The following CHPF variants were observed in gnomAD, a reference collection of about 807,000 sequenced individuals.
CHPF encodes the protein chondroitin polymerizing factor.
CHPF carries 34 observed loss-of-function variants against 55.1 expected under a neutral mutation model. That is an observed-to-expected ratio of 0.62 (90% confidence interval 0.47 to 0.82). The LOEUF is 0.82. Ranked by LOEUF, CHPF falls within the 40% of genes least tolerant of loss-of-function variation. The pLI is 0.00. For missense variants in CHPF, 961 were observed against 1,106.1 expected (o/e 0.87, Z 1.86); for synonymous variants, 489 against 496.6 (o/e 0.98, Z 0.20).
rs10932810 is a variant in CHPF at position 219,543,196 on chromosome 2, G to C, written c.314+29C>G. On this transcript the variant is annotated intron_variant, in intron 1 of 3. Coordinates refer to ENST00000243776, the MANE Select transcript of CHPF (RefSeq NM_024536.6). ...CGCGCGCTTCCCGGCCGCTGCCCAG[G>C]GGGTAGAGCGGGCGCAGCCGATCAC... 4.5e-5 allele frequency: 65 copies of C among 1,460,082 alleles called. No individual in the cohort carries two copies. The South Asian group carries it at 8.7e-4, about 20-fold the overall frequency. 90.4% of individuals were successfully genotyped at this position (1,460,082 alleles called of 1,614,324 possible).
At chr2:219,541,418 G>T in intron 2 of CHPF, 198 bp downstream of exon 2, 1 of 562,454 alleles carries the variant, frequency 1.8e-6, no homozygotes, top group Non-Finnish European at 3.0e-6. Context: ...TAACAACCCC[G>T]AGCAATAATT....
chr2:219,539,979 G>C lies in CHPF; in HGVS notation c.1732C>G (p.Pro578Ala). Reference sequence around the variant, plus strand: ...CTGAGCCATGGCACCCGGGCACCGGGGAAACGCCGCTCCAGCTCTGCCACG... The same window carrying C: ...CTGAGCCATGGCACCCGGGCACCGGCGAAACGCCGCTCCAGCTCTGCCACG... ...AHVAELERRF[P>A]GARVPWLSVQ... The change falls in exon 4 of 4, where the codon CCC becomes GCC. Residue 578 changes from proline (P) to alanine (A), a missense_variant. By Grantham distance (27) the Pro-to-Ala change is conservative. This residue lies in a region of CHPF where 936 missense variants were observed against 1,058.4 expected (regional missense o/e 0.88). Transcript: ENST00000243776. The C allele has an allele frequency of 6.2e-7, 1 of 1,613,744 alleles. No homozygotes were observed. Among genetic ancestry groups the C allele is most frequent in the Non-Finnish European group, 8.5e-7 (1 of 1,179,970 alleles).
In CHPF at chr2:219,543,274, A is replaced by G; in HGVS notation, c.265T>C (p.Leu89=). The G allele has an allele frequency of 6.3e-7, 1 of 1,576,496 alleles. No individual in the cohort carries two copies. The highest frequency in any genetic ancestry group is 1.1e-5 in the South Asian group (1 of 88,768). The part of the protein sequence containing the change: ...GAGENWEPRV[L]PYHPAQPGQA... ...CCGGGCTGTGCAGGGTGGTAGGGCA[A>G]GACGCGCGGCTCCCAATTCTCCCCG... Residue 89 remains leucine (L), a synonymous_variant, in exon 1 of 4, where the codon TTG becomes CTG. Coordinates refer to ENST00000243776, the MANE Select transcript of CHPF (RefSeq NM_024536.6).
chr2:219,540,704 G>C, intron 3 of CHPF, 62 bp from the exon 4 acceptor site: 1 of 1,480,240 alleles, frequency 6.8e-7, no homozygotes, highest in Non-Finnish European at 9.0e-7. Context: ...CACAGCTGGG[G>C]GACTGGGTAG....
chr2:219,542,657 C>T (rs915211611), intron 1 of CHPF, among the ~76,000 whole-genome samples: 1 of 152,078 alleles, frequency 6.6e-6, no homozygotes, highest in African/African-American at 2.4e-5. Flanking sequence ...AGTGTTTTTG[C>T]GGGGAGGGGC....
At position 219,539,053 on chromosome 2, in the gene CHPF, A is replaced by G. The variant is rs1037867253; in HGVS notation, c.*330T>C. The G allele has an allele frequency of 1.7e-4, 47 of 278,348 alleles. No homozygotes were observed. The highest frequency in any genetic ancestry group is 9.4e-4 in the African/African-American group (43 of 45,726). The allele number at this position is 278,348 out of a possible 1,614,324, so 17.2% of individuals were successfully genotyped here. A position where few individuals can be genotyped will look rare whatever the true frequency, so the allele number is the denominator to read the frequency against. On this transcript the variant is annotated 3_prime_UTR_variant, in exon 4 of 4. Coordinates refer to ENST00000243776, the MANE Select transcript of CHPF (RefSeq NM_024536.6). ...TCCTCAGCTCCCTCCTTCCCCAACA[A>G]CTCTTCTACAGCCCAGCCCCCAGGG...
chr2:219,543,677 G>C lies in CHPF; in HGVS notation c.-139C>G. Reference sequence around the variant, plus strand: ...GGGCCCGCTCCCTCCCCGCAGAGCAGAGCCAGCGGCCCGAGCCGAATCCCC... The same window carrying C: ...GGGCCCGCTCCCTCCCCGCAGAGCACAGCCAGCGGCCCGAGCCGAATCCCC... On this transcript the variant is annotated 5_prime_UTR_variant, in exon 1 of 4. Coordinates refer to ENST00000243776, the MANE Select transcript of CHPF (RefSeq NM_024536.6). 1.8e-6 allele frequency: 1 copy of C among 556,642 alleles called. No homozygotes were observed. Among genetic ancestry groups the C allele is most frequent in the Non-Finnish European group, 2.8e-6 (1 of 359,456 alleles). 34.5% of individuals were successfully genotyped at this position (556,642 alleles called of 1,614,324 possible). A position where few individuals can be genotyped will look rare whatever the true frequency, so the allele number is the denominator to read the frequency against.
Position 219,541,801 on chromosome 2 carries a change from C to T in CHPF, c.703G>A (p.Gly235Arg), listed in dbSNP as rs1336922788. Residue 235 changes from glycine to arginine, a missense_variant, in exon 2 of 4, where the codon GGA becomes AGA. Gly to Arg is a moderately radical substitution (Grantham distance 125). Coordinates refer to ENST00000243776, the MANE Select transcript of CHPF (RefSeq NM_024536.6). ...YLGRPQDFIG[G>R]EPTPGRYCHG... ...CAGTAGCGGCCGGGGGTGGGCTCTC[C>T]GCCGATGAAGTCCTGGGGCCGGCCC... 6.2e-7 allele frequency: 1 copy of T among 1,606,470 alleles called. No individual in the cohort carries two copies. The highest frequency in any genetic ancestry group is 1.7e-5 in the Admixed American group (1 of 59,466).
chr2:219,543,327 C>T lies in CHPF; in HGVS notation c.212G>A (p.Arg71His), dbSNP rs1427536890. ...RPNSVQPGAE[R>H]EKPGAGEGAG... Reference sequence around the variant, plus strand: ...GCCTTCGCCGGCCCCGGGCTTCTCGCGCTCCGCTCCGGGCTGCACCGAGTT... The same window carrying T: ...GCCTTCGCCGGCCCCGGGCTTCTCGTGCTCCGCTCCGGGCTGCACCGAGTT... The change falls in exon 1 of 4, where the codon CGC becomes CAC. Residue 71 changes from arginine (R) to histidine (H), a missense_variant. Physicochemically the swap from Arg to His is conservative, Grantham distance 29 (BLOSUM62 0). This residue lies in a region of CHPF where 936 missense variants were observed against 1,058.4 expected (regional missense o/e 0.88). Transcript: ENST00000243776. 1.3e-6 allele frequency: 2 copies of T among 1,571,276 alleles called. No individual in the cohort carries two copies. The highest frequency in any genetic ancestry group is 1.7e-6 in the Non-Finnish European group (2 of 1,168,516).
chr2:219,541,310 G>A (rs936731413), intron 2 of CHPF, 185 bp from the exon 3 acceptor site: 88 of 598,216 alleles, frequency 1.5e-4, no homozygotes, highest in Non-Finnish European at 2.3e-4. Context: ...TCTGCGAAAT[G>A]GGCATGCGTC....
At position 219,540,836 on chromosome 2, in the gene CHPF, G is replaced by A. The variant is rs540650441; in HGVS notation, c.1068+110C>T. On this transcript the variant is annotated intron_variant, in intron 3 of 3. Transcript: ENST00000243776. Reference sequence around the variant, plus strand: ...GAATGTAGAAACAGGCAGGGGCTGGGAAGTAGTTTTGTTCTGTGATTCTAG... The same window carrying A: ...GAATGTAGAAACAGGCAGGGGCTGGAAAGTAGTTTTGTTCTGTGATTCTAG... The A allele has an allele frequency of 1.4e-4, 194 of 1,426,222 alleles. 1 individual carries two copies. The South Asian group carries it at 2.3e-3, about 17-fold the overall frequency. 88.3% of individuals were successfully genotyped at this position (1,426,222 alleles called of 1,614,324 possible).
In CHPF at chr2:219,540,385, C is replaced by A; in HGVS notation, c.1326G>T (p.Arg442=). The A allele has an allele frequency of 6.2e-7, 1 of 1,614,056 alleles. No homozygotes were observed. The highest frequency in any genetic ancestry group is 1.1e-5 in the South Asian group (1 of 91,090). The change falls in exon 4 of 4, where the codon CGG becomes CGT. Residue 442 remains arginine (R), a synonymous_variant. Coordinates refer to ENST00000243776, the MANE Select transcript of CHPF (RefSeq NM_024536.6). The part of the protein sequence containing the change: ...ELNRRYHPAL[R]LQKQQLVNGY... ...CATTCACCAGCTGCTGCTTCTGGAGCCGCAAGGCCGGGTGGTAGCGGCGGT... is the reference window on the plus strand; with the variant it reads ...CATTCACCAGCTGCTGCTTCTGGAGACGCAAGGCCGGGTGGTAGCGGCGGT...
At chr2:219,543,106 C>G (rs1291993305) in intron 1 of CHPF, 119 bp downstream of exon 1, 18 of 1,364,800 alleles carry the variant, frequency 1.3e-5, no homozygotes, top group Non-Finnish European at 1.7e-5. Context: ...TTATCGGGGC[C>G]CAAAGACTTC....
chr2:219,541,567 G>A, intron 2 of CHPF, 49 bp downstream of exon 2: 3 of 1,419,738 alleles, frequency 2.1e-6, no homozygotes, highest in South Asian at 2.9e-5. Flanking sequence ...CCTCTCAGAG[G>A]GATTTGAACA....
At position 219,539,499 on chromosome 2, in the gene CHPF, C is replaced by A; in HGVS notation, c.2212G>T (p.Ala738Ser). 1 of 1,613,718 alleles carries A rather than the reference C, an allele frequency of 6.2e-7. No individual in the cohort carries two copies. The highest frequency in any genetic ancestry group is 1.7e-4 in the Middle Eastern group (1 of 6,034). The change falls in exon 4 of 4, where the codon GCG (alanine) becomes TCG (serine). Residue 738 changes from alanine to serine, a missense_variant. This residue lies in a region of CHPF where 936 missense variants were observed against 1,058.4 expected (regional missense o/e 0.88). Transcript: ENST00000243776. ...LQRYRAQTCS[A>S]RLSEDLYHRC... ...TGGTACAGGTCCTCACTGAGCCTCG[C>A]GCTGCACGTCTGGGCCCGGTAGCGC...
rs752885494 is a variant in CHPF, at chr2:219,540,378, T to C, written c.1333A>G (p.Lys445Glu). 1.9e-6 allele frequency: 3 copies of C among 1,614,022 alleles called. 1 individual carries two copies. The highest frequency in any genetic ancestry group is 2.2e-5 in the South Asian group (2 of 91,088). ...CGGTAGCCATTCACCAGCTGCTGCT[T>C]CTGGAGCCGCAAGGCCGGGTGGTAG... Reference protein sequence around the residue: ...RRYHPALRLQKQQLVNGYRRF... With the variant: ...RRYHPALRLQEQQLVNGYRRF... Residue 445 changes from lysine to glutamate, a missense_variant, in exon 4 of 4, where the codon AAG becomes GAG. By Grantham distance (56) the Lys-to-Glu change is moderately conservative (BLOSUM62 1). This residue lies in a region of CHPF where 936 missense variants were observed against 1,058.4 expected (regional missense o/e 0.88). Transcript: ENST00000243776.
rs548984876 is a variant in CHPF, at chr2:219,541,846, A to G, written c.658T>C (p.Ser220Pro). ...CGGCCCAGGTACAGGTGGGCGGCGG[A>G]GGCCAGGCTGAGGTGGCCAGTTAGG... ...ARLTGHLSLASAAHLYLGRPQ... is the reference protein window; with the variant it reads ...ARLTGHLSLAPAAHLYLGRPQ... The change falls in exon 2 of 4, where the codon TCC becomes CCC. Residue 220 changes from serine to proline, a missense_variant. This residue lies in a region of CHPF where 936 missense variants were observed against 1,058.4 expected (regional missense o/e 0.88). Coordinates refer to ENST00000243776, the MANE Select transcript of CHPF (RefSeq NM_024536.6). 2 of 1,610,424 alleles carry G rather than the reference A, an allele frequency of 1.2e-6. No homozygotes were observed. The highest frequency in any genetic ancestry group is 1.7e-6 in the Non-Finnish European group (2 of 1,178,520).
At chr2:219,542,800 A>C in intron 1 of CHPF, 1 of 513,756 alleles carries the variant, frequency 1.9e-6, no homozygotes, top group Non-Finnish European at 2.5e-6. Flanking sequence ...AGATAGGTAC[A>C]TTCCTCCCTC....
chr2:219,543,171 C>G (rs1280437633), intron 1 of CHPF, 54 bp downstream of exon 1: 4 of 1,378,174 alleles, frequency 2.9e-6, no homozygotes, highest in South Asian at 1.6e-5. Flanking sequence ...GCGACCTCCC[C>G]GCGCGCTTCC....
Sources: gnomAD v4.1 joint callset for allele counts (sites outside exome capture counted in the v4.1 genomes callset) on GRCh38, gnomAD v4.1.1 for gene constraint, gnomAD v4.1.1 regional missense constraint, MANE v1.5 for transcripts, NCBI Gene and HGNC (gene_info 2026-07-23, HGNC 2026-07-21) for gene names.